WWOX: variants seen among roughly 807,000 people sequenced by gnomAD.
WWOX encodes the protein WW domain containing oxidoreductase.
A neutral mutation model predicts 46.2 loss-of-function variants in WWOX; 69 were observed. The observed-to-expected ratio is 1.49, with a 90% CI of 1.23 to 1.82. The LOEUF (loss-of-function observed/expected upper bound fraction) is 1.82. WWOX is among the 40% of genes most tolerant of loss of function. The pLI is 0.00. For synonymous variants in WWOX, 359 were observed against 202.6 expected (o/e 1.77, Z -6.56); for missense variants, 919 against 542.6 (o/e 1.69, Z -6.89).
intron 8 of WWOX, among the ~76,000 whole-genome samples, chr16:78,726,744 G>T (rs1421888082): frequency 6.6e-6 from 1 of 151,480 alleles, no homozygotes; most frequent in Admixed American, 6.6e-5. Flanking sequence ...TTTGCCAGGG[G>T]ATGCTGTGGT....
intron 8 of WWOX, among the ~76,000 whole-genome samples, chr16:78,512,355 A>G (rs866009457): frequency 6.6e-5 from 10 of 152,362 alleles, no homozygotes; most frequent in Non-Finnish European, 1.3e-4. Flanking sequence ...TTTTAAAAGT[A>G]TATTTATTTC....
intron 5 of WWOX, among the ~76,000 whole-genome samples, chr16:78,254,502 G>GTTTTTTTCTTTTTTTTTTTT (rs2038073105): frequency 1.1e-5 from 1 of 91,648 alleles, no homozygotes; most frequent in Non-Finnish European, 1.9e-5. Flanking sequence ...TTTCTTTCTT[G>GTTTTTTTCTTTTTTTTTTTT]TTTTTTTTTT....
intron 5 of WWOX, among the ~76,000 whole-genome samples, chr16:78,354,304 G>A (rs887045395): frequency 1.1e-4 from 10 of 92,396 alleles, no homozygotes; most frequent in African/African-American, 3.6e-4. Flanking sequence ...GTCTGCTGAT[G>A]TGCTTAACTT....
chr16:78,518,074 C>G (rs942185046), intron 8 of WWOX, among the ~76,000 whole-genome samples: 3 of 151,920 alleles, frequency 2.0e-5, no homozygotes, highest in Non-Finnish European at 4.4e-5. Flanking sequence ...TTCAGTTTCC[C>G]CATCTGTTGG....
At chr16:78,611,171 T>C (rs2045892244) in intron 8 of WWOX, among the ~76,000 whole-genome samples, 1 of 152,224 alleles carries the variant, frequency 6.6e-6, no homozygotes, top group Non-Finnish European at 1.5e-5. Context: ...AAATAGGTAG[T>C]TGAAATTTTG....
intron 8 of WWOX, among the ~76,000 whole-genome samples, chr16:78,842,675 G>T (rs1320264952): frequency 1.3e-5 from 2 of 151,972 alleles, no homozygotes; most frequent in African/African-American, 2.4e-5. Context: ...AACATCCAGG[G>T]AAACATAGTG....
At chr16:78,593,814 T>C (rs1433097547) in intron 8 of WWOX, among the ~76,000 whole-genome samples, 3 of 151,806 alleles carry the variant, frequency 2.0e-5, no homozygotes, top group Non-Finnish European at 4.4e-5. Flanking sequence ...AGAGCTAGCA[T>C]GATTGCAAGC....
chr16:78,831,077 G>A (rs954933325), intron 8 of WWOX, among the ~76,000 whole-genome samples: 2 of 152,152 alleles, frequency 1.3e-5, no homozygotes, highest in Admixed American at 1.3e-4. Context: ...AGAGAAGAAG[G>A]GACTGCGTTC....
At chr16:78,643,143 C>G in intron 8 of WWOX, among the ~76,000 whole-genome samples, 1 of 152,088 alleles carries the variant, frequency 6.6e-6, no homozygotes, top group East Asian at 1.9e-4. Context: ...CTATCCAGAC[C>G]CAAGAGGATC....
At chr16:78,798,942 TG>T (rs2142641876) in intron 8 of WWOX, among the ~76,000 whole-genome samples, 1 of 152,294 alleles carries the variant, frequency 6.6e-6, no homozygotes, top group South Asian at 2.1e-4. Context: ...TATGGCATTT[TG>T]TTGGGGCCGG....
intron 8 of WWOX, among the ~76,000 whole-genome samples, chr16:79,022,162 C>T: frequency 1.3e-5 from 2 of 152,220 alleles, no homozygotes; most frequent in South Asian, 4.1e-4. Context: ...TTTGCTTTTG[C>T]TGGTGAAGGA....
intron 4 of WWOX, among the ~76,000 whole-genome samples, chr16:78,163,316 G>T (rs2034859049): frequency 6.6e-6 from 1 of 152,200 alleles, no homozygotes; most frequent in Non-Finnish European, 1.5e-5. Context: ...GCCTGAAGCT[G>T]AGTTTCCACT....
chr16:78,254,076 C>CT (rs1311573825), intron 5 of WWOX, among the ~76,000 whole-genome samples: 447 of 149,380 alleles, frequency 3.0e-3, no homozygotes, highest in African/African-American at 9.6e-3. Flanking sequence ...AAGAATTCTT[C>CT]TTTTTTTTTT....
At chr16:78,708,135 G>C (rs1215672706) in intron 8 of WWOX, among the ~76,000 whole-genome samples, 4 of 152,034 alleles carry the variant, frequency 2.6e-5, no homozygotes, top group Non-Finnish European at 5.9e-5. Flanking sequence ...AGGCTGCAGT[G>C]AGCTATGACT....
intron 8 of WWOX, among the ~76,000 whole-genome samples, chr16:79,178,404 C>A (rs1314051511): frequency 1.3e-5 from 2 of 152,082 alleles, no homozygotes; most frequent in Non-Finnish European, 2.9e-5. Context: ...ACAGCTTCAA[C>A]CTCCTGGGAT....
At chr16:78,487,260 CAGGTGCTAGGTTTCCCTG>C (rs2084661432) in intron 8 of WWOX, among the ~76,000 whole-genome samples, 1 of 151,440 alleles carries the variant, frequency 6.6e-6, no homozygotes, top group African/African-American at 2.4e-5. Flanking sequence ...TTGCTGTAGA[CAGGTGCTAGGTTTCCCTG>C]AATGACTAAA....
intron 8 of WWOX, among the ~76,000 whole-genome samples, chr16:78,567,960 C>T (rs2044614585): frequency 1.3e-5 from 2 of 152,100 alleles, no homozygotes; most frequent in South Asian, 2.1e-4. Flanking sequence ...TTAATCTTAG[C>T]GTATAATGGA....
intron 8 of WWOX, among the ~76,000 whole-genome samples, chr16:78,850,687 T>C (rs2052420855): frequency 6.6e-6 from 1 of 152,202 alleles, no homozygotes; most frequent in Non-Finnish European, 1.5e-5. Context: ...GACCTACTTG[T>C]GTCTCTGTGC....
intron 8 of WWOX, among the ~76,000 whole-genome samples, chr16:78,858,642 T>C (rs1472669144): frequency 1.3e-5 from 2 of 152,004 alleles, no homozygotes; most frequent in African/African-American, 4.8e-5. Flanking sequence ...TCTTTCTTTT[T>C]TCTTTACCTG....
Sources: gnomAD v4.1 joint callset for allele counts (sites outside exome capture counted in the v4.1 genomes callset) on GRCh38, gnomAD v4.1.1 for gene constraint, MANE v1.5 for transcripts, NCBI Gene and HGNC (gene_info 2026-07-23, HGNC 2026-07-21) for gene names.